Variants in STON1 observed in about 807,000 individuals in gnomAD.
STON1 encodes the protein stonin 1.
In STON1, 79 loss-of-function variants were observed where a neutral mutation model predicts 60.9. The observed-to-expected ratio is 1.30, with a 90% CI of 1.08 to 1.56. The LOEUF is 1.56. Among genes scored for constraint, STON1 ranks in the 40% most tolerant of loss-of-function variants. The pLI, the probability that STON1 is intolerant of heterozygous loss-of-function variation, is 0.00. For synonymous variants in STON1, 363 were observed against 306.9 expected (o/e 1.18, Z -1.91); for missense variants, 1,166 against 858.9 (o/e 1.36, Z -4.47).
At chr2:48,556,752 C>T (rs1433265758) in intron 1 of STON1, among the ~76,000 whole-genome samples, 4 of 37,714 alleles carry the variant, frequency 1.1e-4, no homozygotes, top group Admixed American at 1.8e-4. Flanking sequence ...GGGGGCTGAC[C>T]CCCCCACCTC....
chr2:48,537,546 T>G (rs1189086066), intron 1 of STON1, among the ~76,000 whole-genome samples: 3 of 152,168 alleles, frequency 2.0e-5, no homozygotes, highest in Non-Finnish European at 2.9e-5. Context: ...TTCTAGAATT[T>G]TCTTTTTAAA....
intron 1 of STON1, among the ~76,000 whole-genome samples, chr2:48,537,974 G>A (rs938743264): frequency 1.2e-4 from 18 of 145,080 alleles, no homozygotes; most frequent in Admixed American, 1.1e-3. Context: ...TTTTTTTTTC[G>A]AGACAGAGTC....
intron 1 of STON1, among the ~76,000 whole-genome samples, chr2:48,543,147 G>A (rs574475831): frequency 2.5e-4 from 38 of 151,946 alleles, no homozygotes; most frequent in African/African-American, 8.7e-4. Flanking sequence ...GCTAATTTTT[G>A]TATTTCTAGT....
chr2:48,536,499 G>T (rs1671434436), intron 1 of STON1, among the ~76,000 whole-genome samples: 1 of 143,586 alleles, frequency 7.0e-6, no homozygotes, highest in Admixed American at 7.2e-5. Context: ...AGTGAGCTGA[G>T]ATCGTGCCAT....
intron 1 of STON1, among the ~76,000 whole-genome samples, chr2:48,563,903 T>A (rs1558603078): frequency 6.6e-6 from 1 of 151,812 alleles, no homozygotes; most frequent in Non-Finnish European, 1.5e-5. Context: ...TCTCACTATG[T>A]TGCCCAGGCT....
intron 3 of STON1, among the ~76,000 whole-genome samples, chr2:48,594,561 A>G (rs1260451426): frequency 1.3e-5 from 2 of 152,132 alleles, no homozygotes; most frequent in Admixed American, 1.3e-4. Flanking sequence ...AATAGTTAGT[A>G]GATAAATAAA....
chr2:48,563,930 C>A (rs549367922), intron 1 of STON1, among the ~76,000 whole-genome samples: 2 of 151,272 alleles, frequency 1.3e-5, no homozygotes, highest in African/African-American at 4.9e-5. Context: ...GAACTCCTGA[C>A]TCAAGCGATC....
chr2:48,544,924 C>A (rs562847645), intron 1 of STON1, among the ~76,000 whole-genome samples: 1 of 152,318 alleles, frequency 6.6e-6, no homozygotes, highest in South Asian at 2.1e-4. Flanking sequence ...AAATTTTAAT[C>A]TCAATCCTTT....
chr2:48,564,470 C>CTTCTTCTTCTTCTTCTTCTTCTTCTTCT (rs1672774335), intron 1 of STON1, among the ~76,000 whole-genome samples: 1 of 54,530 alleles, frequency 1.8e-5, no homozygotes, highest in African/African-American at 7.3e-5. Flanking sequence ...TCTTCTTCTT[C>CTTCTTCTTCTTCTTCTTCTTCTTCTTCT]TTCTTCTTCT....
chr2:48,534,166 A>G (rs1411334025), intron 1 of STON1, among the ~76,000 whole-genome samples: 1 of 152,212 alleles, frequency 6.6e-6, no homozygotes, highest in African/African-American at 2.4e-5. Context: ...GTGCATCAAA[A>G]TGGATGGTGA....
At chr2:48,546,878 A>G (rs1671883789) in intron 1 of STON1, among the ~76,000 whole-genome samples, 1 of 152,144 alleles carries the variant, frequency 6.6e-6, no homozygotes, top group Non-Finnish European at 1.5e-5. Flanking sequence ...ACAAGAATCA[A>G]TTCACACACA....
At chr2:48,541,832 A>C (rs956905641) in intron 1 of STON1, among the ~76,000 whole-genome samples, 1 of 152,096 alleles carries the variant, frequency 6.6e-6, no homozygotes, top group Non-Finnish European at 1.5e-5. Context: ...TGAATAAATA[A>C]TACCGTGTGC....
At position 48,591,831 on chromosome 2, in the gene STON1, G is replaced by A. The variant is rs1251261808; in HGVS notation, c.2109G>A (p.Gln703=). 1 of 1,614,080 alleles carries A rather than the reference G, an allele frequency of 6.2e-7. No individual in the cohort carries two copies. Among genetic ancestry groups the A allele is most frequent in the East Asian group, 2.2e-5 (1 of 44,872 alleles). The part of the protein sequence containing the change: ...ESDVQPQKHV[Q]QRACYNIQVE... ...ATGTCCAGCCACAGAAACATGTTCA[G>A]CAGCGAGCTTGCTACAACATCCAGG... Residue 703 remains glutamine (Q), a synonymous_variant, in exon 3 of 4, where the codon CAG becomes CAA. Transcript: ENST00000404752.
chr2:48,534,948 A>G (rs1385289346), intron 1 of STON1, among the ~76,000 whole-genome samples: 3 of 152,090 alleles, frequency 2.0e-5, no homozygotes, highest in East Asian at 1.9e-4. Context: ...AACCAGCTCC[A>G]CTCACAAGAA....
chr2:48,532,199 C>G (rs1362240644), intron 1 of STON1, among the ~76,000 whole-genome samples: 6 of 151,896 alleles, frequency 4.0e-5, no homozygotes, highest in Non-Finnish European at 8.8e-5. Flanking sequence ...AATACAAAAG[C>G]TAGCTGGGCC....
rs1170091939 is a variant in STON1, at chr2:48,582,367, G to A, written c.1734G>A (p.Trp578Ter). 3 of 1,614,124 alleles carry A rather than the reference G, an allele frequency of 1.9e-6. No individual in the cohort carries two copies. The highest frequency in any genetic ancestry group is 4.5e-5 in the East Asian group (2 of 44,870). ...IRIHFPVPSQ[W>*]IKALWTMNLQ... ...TACACTTTCCTGTCCCATCGCAGTG[G>A]ATCAAGGCCCTTTGGACCATGAACC... Residue 578 changes from tryptophan to a stop codon, truncating the protein, a stop_gained, in exon 2 of 4, where the codon TGG becomes TGA. Transcript: ENST00000404752. LOFTEE classifies it high-confidence loss of function.
At chr2:48,534,137 G>A (rs866529198) in intron 1 of STON1, among the ~76,000 whole-genome samples, 2 of 152,050 alleles carry the variant, frequency 1.3e-5, no homozygotes, top group African/African-American at 2.4e-5. Flanking sequence ...AAAATACATC[G>A]AGAAAATACT....
At chr2:48,566,100 A>G (rs575825966) in intron 1 of STON1, among the ~76,000 whole-genome samples, 3 of 152,354 alleles carry the variant, frequency 2.0e-5, no homozygotes, top group African/African-American at 7.2e-5. Context: ...TTTAATTGGT[A>G]ATAACTATTG....
chr2:48,581,802 T>A lies in STON1; in HGVS notation c.1169T>A (p.Leu390Gln), dbSNP rs1673902784. ...TCGTACCATGACTTCCTTGACTTTC[T>A]GACTACTGTGGAGGAGGAGCTGATG... ...STSYHDFLDF[L>Q]TTVEEELMKL... Residue 390 changes from leucine (L) to glutamine (Q), a missense_variant, in exon 2 of 4, where the codon CTG (leucine) becomes CAG (glutamine). Leu to Gln is a moderately radical substitution (Grantham distance 113). Coordinates refer to ENST00000404752, the MANE Select transcript of STON1 (RefSeq NM_006873.4). 6.2e-7 allele frequency: 1 copy of A among 1,614,212 alleles called. No individual in the cohort carries two copies. The highest frequency in any genetic ancestry group is 1.3e-5 in the African/African-American group (1 of 75,054).
Sources: allele counts gnomAD v4.1 joint callset (sites outside exome capture counted in the v4.1 genomes callset), GRCh38; gene constraint gnomAD v4.1.1; transcripts MANE v1.5; gene names NCBI Gene and HGNC (gene_info 2026-07-23, HGNC 2026-07-21).